Variants in TCHP observed in about 807,000 individuals in gnomAD.
TCHP encodes trichoplein keratin filament-binding protein.
Under a neutral mutation model 88.7 loss-of-function variants are expected in TCHP, and 81 were observed. That is an observed-to-expected ratio of 0.91 (90% CI 0.76 to 1.10). TCHP has a LOEUF of 1.10. Among genes scored for constraint, TCHP ranks in the 50% least tolerant of loss-of-function variants. The probability of loss-of-function intolerance (pLI) is 0.00; values close to 1 mark genes in which losing one functional copy is unlikely to be tolerated. For missense variants in TCHP, 641 were observed against 632.1 expected (o/e 1.01, Z -0.15); for synonymous variants, 232 against 232.5 (o/e 1.00, Z 0.02).
At chr12:109,908,744 C>G in intron 7 of TCHP, 46 bp downstream of exon 7, 7 of 1,563,508 alleles carry the variant, frequency 4.5e-6, no homozygotes, top group Non-Finnish European at 6.1e-6. Context: ...GGGTGGGCCT[C>G]TTGCTTTTTC....
At chr12:109,902,930 C>A in intron 1 of TCHP, 97 bp from the exon 2 acceptor site, 1 of 930,396 alleles carries the variant, frequency 1.1e-6, no homozygotes, top group Non-Finnish European at 1.6e-6. Context: ...CACTGTGCAG[C>A]CAAGGGGTGG....
chr12:109,893,979 T>C, the TCHP span, among the ~76,000 whole-genome samples: 2 of 151,966 alleles, frequency 1.3e-5, no homozygotes, highest in Admixed American at 1.3e-4. Flanking sequence ...AGGTCAGAAG[T>C]TCAAGACCAG....
At chr12:109,886,295 G>A in the TCHP span, among the ~76,000 whole-genome samples, 1 of 151,966 alleles carries the variant, frequency 6.6e-6, no homozygotes, top group Non-Finnish European at 1.5e-5. Context: ...CTGCCACCAC[G>A]CCCAGCTAAT....
intron 8 of TCHP, among the ~76,000 whole-genome samples, chr12:109,909,497 A>G (rs1870360530): frequency 6.6e-6 from 1 of 152,224 alleles, no homozygotes; most frequent in African/African-American, 2.4e-5. Flanking sequence ...ATTCCTCAGC[A>G]TCTTCAATTA....
the TCHP span, among the ~76,000 whole-genome samples, chr12:109,883,293 C>T: frequency 6.6e-6 from 1 of 151,388 alleles, no homozygotes; most frequent in Non-Finnish European, 1.5e-5. Context: ...ACCTTGGCTT[C>T]CCAAAGTGCT....
At chr12:109,890,775 G>T in the TCHP span, among the ~76,000 whole-genome samples, 1 of 152,140 alleles carries the variant, frequency 6.6e-6, no homozygotes, top group Non-Finnish European at 1.5e-5. Context: ...CTCCTAACGT[G>T]CTGTGATTAC....
upstream of TCHP, among the ~76,000 whole-genome samples, chr12:109,896,939 T>G (rs140614688): frequency 4.6e-4 from 70 of 151,994 alleles, no homozygotes; most frequent in African/African-American, 1.6e-3. Flanking sequence ...TAGATAGATA[T>G]AGATATATAG....
chr12:109,914,322 G>A (rs898427167), intron 10 of TCHP, 120 bp from the exon 11 acceptor site: 82 of 851,120 alleles, frequency 9.6e-5, no homozygotes, highest in Non-Finnish European at 1.3e-4. Flanking sequence ...CTGCGTACCT[G>A]GGCCTGAGGC....
the TCHP span, among the ~76,000 whole-genome samples, chr12:109,882,751 G>A: frequency 3.2e-3 from 454 of 143,134 alleles, 19 homozygotes; most frequent in South Asian, 0.056. Flanking sequence ...TCCGCCTCCC[G>A]GGTTCAGGCA....
At chr12:109,881,057 G>A in the TCHP span, among the ~76,000 whole-genome samples, 1 of 152,148 alleles carries the variant, frequency 6.6e-6, no homozygotes, top group African/African-American at 2.4e-5. Flanking sequence ...TGCCCTGCTG[G>A]ACAACTCCTG....
chr12:109,915,697 C>A, intron 12 of TCHP, 151 bp downstream of exon 12: 2 of 1,039,974 alleles, frequency 1.9e-6, no homozygotes, highest in Non-Finnish European at 2.7e-6. Context: ...TTTCTCTCTT[C>A]CCTGACCAGC....
At chr12:109,896,697 G>A (rs539890589), upstream of TCHP, among the ~76,000 whole-genome samples, 60 of 152,018 alleles carry the variant, frequency 3.9e-4, no homozygotes, top group Non-Finnish European at 6.8e-4. Flanking sequence ...TGATGCCTGA[G>A]GTCAGGAGTT....
intron 6 of TCHP, 65 bp downstream of exon 6, chr12:109,907,764 T>G: frequency 6.6e-7 from 1 of 1,517,802 alleles, no homozygotes; most frequent in Non-Finnish European, 8.9e-7. Flanking sequence ...AGATGGGCAC[T>G]TGAGAGGCTG....
At position 109,911,087 on chromosome 12, in the gene TCHP, G is replaced by T; in HGVS notation, c.904G>T (p.Ala302Ser). ...ELEADRRILQ[A>S]LLEKEDESQR... is the part of the protein sequence containing the mutation. ...GGAGGCAGACAGGCGGATCCTGCAG[G>T]CCCTCCTCGAGAAGGAGGACGAGAG... The change falls in exon 9 of 13, where the codon GCC (alanine) becomes TCC (serine). Residue 302 changes from alanine (A) to serine (S), a missense_variant. Ala to Ser is a moderately conservative substitution (Grantham distance 99). Transcript: ENST00000405876. 6.3e-7 allele frequency: 1 copy of T among 1,593,456 alleles called. No individual in the cohort carries two copies. The highest frequency in any genetic ancestry group is 8.5e-7 in the Non-Finnish European group (1 of 1,170,880).
At chr12:109,912,520 G>C (rs1442829776) in intron 9 of TCHP, among the ~76,000 whole-genome samples, 1 of 152,192 alleles carries the variant, frequency 6.6e-6, no homozygotes, top group East Asian at 1.9e-4. Context: ...GCCAGGCACG[G>C]TGGCTCACGC....
chr12:109,907,125 C>T (rs1042912010), intron 5 of TCHP, among the ~76,000 whole-genome samples: 2 of 152,188 alleles, frequency 1.3e-5, no homozygotes, highest in Non-Finnish European at 2.9e-5. Context: ...TGGCCTTAAA[C>T]GATTCTCCCA....
the TCHP span, among the ~76,000 whole-genome samples, chr12:109,885,780 CTT>C: frequency 9.8e-5 from 14 of 143,588 alleles, no homozygotes; most frequent in Admixed American, 1.4e-4. Flanking sequence ...CGCACCCCGC[CTT>C]TTTTTTTTTT....
At chr12:109,889,895 C>T in the TCHP span, among the ~76,000 whole-genome samples, 3 of 152,166 alleles carry the variant, frequency 2.0e-5, no homozygotes, top group African/African-American at 7.2e-5. Context: ...GTGTTAAGAG[C>T]CACCATGCCA....
the TCHP span, among the ~76,000 whole-genome samples, chr12:109,883,790 T>C: frequency 1.3e-5 from 2 of 152,342 alleles, no homozygotes; most frequent in Middle Eastern, 3.4e-3. Context: ...AACATAGGCT[T>C]GATGCACTGA....
Sources: allele counts gnomAD v4.1 joint callset (sites outside exome capture counted in the v4.1 genomes callset), GRCh38; gene constraint gnomAD v4.1.1; transcripts MANE v1.5; gene names NCBI Gene and HGNC (gene_info 2026-07-23, HGNC 2026-07-21).